TMEM132D: variants seen among roughly 807,000 people sequenced by gnomAD.
TMEM132D encodes the protein mature OL transmembrane protein.
Under a neutral mutation model 62.3 loss-of-function variants are expected in TMEM132D, and 21 were observed. The observed-to-expected ratio is 0.34, with a 90% CI of 0.24 to 0.49. The LOEUF (loss-of-function observed/expected upper bound fraction) is 0.49, where lower values mean the gene tolerates loss of function less well. Ranked by LOEUF, TMEM132D falls within the 20% of genes least tolerant of loss-of-function variation. The pLI is 0.99. For missense variants in TMEM132D, 1,346 were observed against 1,402.8 expected, an observed-to-expected ratio of 0.96 and a Z score of 0.65; for synonymous variants, 621 against 575.6, an observed-to-expected ratio of 1.08 and a Z score of -1.13.
intron 1 of TMEM132D, among the ~76,000 whole-genome samples, chr12:129,777,951 T>C (rs979577892): frequency 6.6e-6 from 1 of 151,684 alleles, no homozygotes; most frequent in Non-Finnish European, 1.5e-5. Flanking sequence ...TTGGGCAACA[T>C]AGCACATCTC....
At chr12:129,240,350 T>C (rs1445950080) in intron 4 of TMEM132D, among the ~76,000 whole-genome samples, 1 of 152,212 alleles carries the variant, frequency 6.6e-6, no homozygotes, top group South Asian at 2.1e-4. Context: ...AGAAAACTGG[T>C]TTGAATATCC....
chr12:129,413,680 C>T (rs976924367), intron 3 of TMEM132D, among the ~76,000 whole-genome samples: 4 of 152,098 alleles, frequency 2.6e-5, no homozygotes, highest in Non-Finnish European at 5.9e-5. Flanking sequence ...GTTTTGAGTT[C>T]CACAAATATT....
chr12:129,786,532 T>C, intron 1 of TMEM132D, among the ~76,000 whole-genome samples: 1 of 152,182 alleles, frequency 6.6e-6, no homozygotes, highest in South Asian at 2.1e-4. Context: ...TTGTGTTTCT[T>C]CCCACACTCC....
At chr12:129,462,006 G>A (rs1363375584) in intron 3 of TMEM132D, among the ~76,000 whole-genome samples, 1 of 152,072 alleles carries the variant, frequency 6.6e-6, no homozygotes, top group African/African-American at 2.4e-5. Flanking sequence ...TTAAAAATTG[G>A]GCAAAAAGAT....
chr12:129,288,110 A>G (rs1028368057), intron 4 of TMEM132D, among the ~76,000 whole-genome samples: 1 of 152,252 alleles, frequency 6.6e-6, no homozygotes, highest in Admixed American at 6.5e-5. Flanking sequence ...ATCGTGCACC[A>G]TGCACAACAA....
At chr12:129,258,365 ATTT>A (rs1880464847) in intron 4 of TMEM132D, among the ~76,000 whole-genome samples, 1 of 152,162 alleles carries the variant, frequency 6.6e-6, no homozygotes, top group Non-Finnish European at 1.5e-5. Flanking sequence ...AAGCACACAT[ATTT>A]GTGGAATGAT....
chr12:129,312,631 A>C (rs1882003475), intron 4 of TMEM132D, among the ~76,000 whole-genome samples: 1 of 152,144 alleles, frequency 6.6e-6, no homozygotes, highest in Non-Finnish European at 1.5e-5. Context: ...GTGCAGTGGC[A>C]CAATCTCGGC....
chr12:129,289,421 G>A (rs1280241425), intron 4 of TMEM132D, among the ~76,000 whole-genome samples: 1 of 151,824 alleles, frequency 6.6e-6, no homozygotes, highest in Non-Finnish European at 1.5e-5. Context: ...GCAGGCGCCT[G>A]TAATCCCAGC....
chr12:129,849,190 G>T (rs949243551), intron 1 of TMEM132D, among the ~76,000 whole-genome samples: 9 of 152,206 alleles, frequency 5.9e-5, no homozygotes, highest in African/African-American at 2.2e-4. Context: ...CAGAGCTTCA[G>T]TAGTGGTCTA....
At chr12:129,652,565 A>G (rs961011958) in intron 2 of TMEM132D, among the ~76,000 whole-genome samples, 2 of 152,198 alleles carry the variant, frequency 1.3e-5, no homozygotes, top group African/African-American at 4.8e-5. Flanking sequence ...GGGAGATTTG[A>G]AGATGCCACC....
intron 4 of TMEM132D, among the ~76,000 whole-genome samples, chr12:129,256,003 G>A (rs891630220): frequency 1.1e-4 from 16 of 152,284 alleles, no homozygotes; most frequent in Middle Eastern, 3.4e-3. Flanking sequence ...GTGAAAGAAA[G>A]GAAGAAGTGC....
At chr12:129,319,375 T>C (rs1321498031) in intron 4 of TMEM132D, among the ~76,000 whole-genome samples, 1 of 152,166 alleles carries the variant, frequency 6.6e-6, no homozygotes, top group Non-Finnish European at 1.5e-5. Flanking sequence ...ACCTTCAGCT[T>C]CTCCAGTGGG....
intron 3 of TMEM132D, among the ~76,000 whole-genome samples, chr12:129,523,119 C>A (rs1304512592): frequency 1.1e-4 from 17 of 152,270 alleles, no homozygotes; most frequent in South Asian, 6.2e-4. Flanking sequence ...CGTGCACACA[C>A]ACACACACAG....
intron 1 of TMEM132D, among the ~76,000 whole-genome samples, chr12:129,847,535 C>T (rs115015571): frequency 0.02 from 3,030 of 152,202 alleles, 108 homozygotes; most frequent in African/African-American, 0.069. Context: ...TCACCCTTGG[C>T]CATGGCTTAA....
At chr12:129,538,283 G>A (rs1236010811) in intron 2 of TMEM132D, among the ~76,000 whole-genome samples, 1 of 152,200 alleles carries the variant, frequency 6.6e-6, no homozygotes, top group Non-Finnish European at 1.5e-5. Flanking sequence ...TTCTGTGTAC[G>A]TTTCCACACC....
At chr12:129,665,430 G>A (rs965518073) in intron 2 of TMEM132D, among the ~76,000 whole-genome samples, 14 of 152,078 alleles carry the variant, frequency 9.2e-5, no homozygotes, top group East Asian at 1.9e-4. Context: ...GGAAATGAGC[G>A]CGTGGGCAAA....
At chr12:129,075,129 T>TAGAC in intron 8 of TMEM132D, 70 bp from the exon 9 acceptor site, 1 of 1,306,738 alleles carries the variant, frequency 7.7e-7, no homozygotes, top group South Asian at 1.4e-5. Flanking sequence ...CTTAGTACAG[T>TAGAC]AGACACACAA....
At chr12:129,679,013 A>G (rs1212204150) in intron 2 of TMEM132D, among the ~76,000 whole-genome samples, 2 of 151,752 alleles carry the variant, frequency 1.3e-5, no homozygotes, top group Non-Finnish European at 2.9e-5. Context: ...AATTTCTATT[A>G]TTTTATAAAA....
intron 3 of TMEM132D, among the ~76,000 whole-genome samples, chr12:129,366,701 T>G (rs1421844212): frequency 1.3e-5 from 2 of 152,180 alleles, no homozygotes; most frequent in East Asian, 3.9e-4. Flanking sequence ...ACTGAGGTCT[T>G]CTGGTGTGAA....
Sources: allele counts gnomAD v4.1 joint callset (sites outside exome capture counted in the v4.1 genomes callset), GRCh38; gene constraint gnomAD v4.1.1; transcripts MANE v1.5; gene names NCBI Gene and HGNC (gene_info 2026-07-23, HGNC 2026-07-21).